Variants in CD96 observed in about 807,000 individuals in gnomAD.
CD96 encodes the protein CD96 molecule, also known as T-cell surface protein tactile.
A neutral mutation model predicts 71.3 loss-of-function variants in CD96; 70 were observed. The ratio of observed to expected loss-of-function variants is 0.98; its 90% CI spans 0.81 to 1.20. The LOEUF is 1.20. Ranked by LOEUF, CD96 falls within the 50% of genes most tolerant of loss-of-function variation. The pLI, the probability that CD96 is intolerant of heterozygous loss-of-function variation, is 0.00. For missense variants in CD96, 742 were observed against 677.5 expected (o/e 1.10, Z -1.06); for synonymous variants, 248 against 233.0 (o/e 1.06, Z -0.59).
chr3:111,555,878 T>C (rs1934987086), intron 2 of CD96, among the ~76,000 whole-genome samples: 1 of 152,308 alleles, frequency 6.6e-6, no homozygotes, highest in Non-Finnish European at 1.5e-5. Flanking sequence ...TCACTTCTTT[T>C]TCTACTACTC....
chr3:111,548,398 G>A (rs768155052), intron 2 of CD96, among the ~76,000 whole-genome samples: 4 of 152,182 alleles, frequency 2.6e-5, no homozygotes, highest in Non-Finnish European at 5.9e-5. Flanking sequence ...GTGGACAAGA[G>A]TGGAAATATA....
chr3:111,588,582 TTTACTGTA>T (rs1247406537), intron 5 of CD96, among the ~76,000 whole-genome samples: 1 of 152,166 alleles, frequency 6.6e-6, no homozygotes, highest in African/African-American at 2.4e-5. Flanking sequence ...CTGATACCAA[TTTACTGTA>T]TTAGTCCATT....
At chr3:111,636,346 A>G (rs371613987) in intron 10 of CD96, among the ~76,000 whole-genome samples, 2 of 152,210 alleles carry the variant, frequency 1.3e-5, no homozygotes, top group Admixed American at 6.5e-5. Flanking sequence ...GATTTTGCTC[A>G]CTTGATTTGG....
intron 3 of CD96, among the ~76,000 whole-genome samples, chr3:111,578,166 C>T (rs982994177): frequency 2.6e-5 from 4 of 152,126 alleles, no homozygotes; most frequent in African/African-American, 9.7e-5. Context: ...GTCAAGAATC[C>T]CCTCCTTACT....
chr3:111,589,473 G>C (rs1392539676), intron 5 of CD96, among the ~76,000 whole-genome samples: 3 of 152,318 alleles, frequency 2.0e-5, no homozygotes, highest in South Asian at 2.1e-4. Flanking sequence ...GAATTAGTGA[G>C]TAATCTTTCT....
At chr3:111,575,979 C>T (rs944673046) in intron 3 of CD96, among the ~76,000 whole-genome samples, 13 of 152,132 alleles carry the variant, frequency 8.5e-5, no homozygotes, top group African/African-American at 2.4e-4. Context: ...TCCATAATTC[C>T]TCAGTTTAGC....
At chr3:111,556,789 C>T (rs1269076850) in intron 2 of CD96, among the ~76,000 whole-genome samples, 4 of 151,918 alleles carry the variant, frequency 2.6e-5, no homozygotes, top group African/African-American at 9.7e-5. Context: ...CACTGACTTC[C>T]ATAATGGTGG....
intron 8 of CD96, among the ~76,000 whole-genome samples, chr3:111,612,190 A>G (rs866593088): frequency 6.6e-6 from 1 of 152,220 alleles, no homozygotes; most frequent in Non-Finnish European, 1.5e-5. Context: ...CAGGGAGAAA[A>G]AAGACTAAAT....
chr3:111,607,710 C>T (rs1377018391), intron 8 of CD96, among the ~76,000 whole-genome samples: 2 of 152,196 alleles, frequency 1.3e-5, no homozygotes, highest in Non-Finnish European at 2.9e-5. Context: ...CCTGCAGTCG[C>T]TGTCACAGGT....
At chr3:111,615,382 G>A (rs1209159946) in intron 8 of CD96, among the ~76,000 whole-genome samples, 5 of 152,238 alleles carry the variant, frequency 3.3e-5, no homozygotes, top group East Asian at 1.9e-4. Context: ...AAGCTTTCAC[G>A]TGGGTGGTTC....
intron 5 of CD96, among the ~76,000 whole-genome samples, chr3:111,591,446 T>C (rs1936983415): frequency 6.7e-6 from 1 of 149,932 alleles, no homozygotes; most frequent in Non-Finnish European, 1.5e-5. Context: ...AGCTCCAGCA[T>C]CTTTGTGCAG....
At chr3:111,614,656 A>C (rs930154565) in intron 8 of CD96, among the ~76,000 whole-genome samples, 1 of 152,034 alleles carries the variant, frequency 6.6e-6, no homozygotes, top group African/African-American at 2.4e-5. Flanking sequence ...GTCTGGAAAA[A>C]TGTGCACCTT....
At chr3:111,587,893 C>T (rs1466570232) in intron 5 of CD96, among the ~76,000 whole-genome samples, 4 of 152,178 alleles carry the variant, frequency 2.6e-5, no homozygotes, top group African/African-American at 7.2e-5. Context: ...CCCAAGACTG[C>T]GCACAGCATG....
At chr3:111,560,340 C>T (rs1188226312) in intron 2 of CD96, among the ~76,000 whole-genome samples, 1 of 152,016 alleles carries the variant, frequency 6.6e-6, no homozygotes, top group African/African-American at 2.4e-5. Flanking sequence ...TTTGCAGCAG[C>T]TGGTACCAGT....
chr3:111,632,484 G>T (rs1939116936), intron 10 of CD96, among the ~76,000 whole-genome samples: 1 of 152,134 alleles, frequency 6.6e-6, no homozygotes, highest in Non-Finnish European at 1.5e-5. Context: ...TGCTGATGAG[G>T]GTGTGGAGAA....
At chr3:111,640,381 G>T (rs755446690) in intron 12 of CD96, among the ~76,000 whole-genome samples, 19 of 152,036 alleles carry the variant, frequency 1.2e-4, no homozygotes, top group Non-Finnish European at 2.4e-4. Context: ...ACAAATAGAA[G>T]AAAGAAATTC....
At position 111,606,749 on chromosome 3, in the gene CD96, C is replaced by G. The variant is rs755437335; in HGVS notation, c.1137C>G (p.Thr379=). 2 of 1,607,116 alleles carry G rather than the reference C, an allele frequency of 1.2e-6. No homozygotes were observed. Among genetic ancestry groups the G allele is most frequent in the Admixed American group, 3.3e-5 (2 of 59,990 alleles). ...TDPPLSVTES[T]LDTQPSPASS... ...CTCCACTGAGTGTTACAGAATCTAC[C>G]CTTGACACCCAACCTTCTCCAGCCA... Residue 379 remains threonine (T), a synonymous_variant, in exon 8 of 14, where the codon ACC becomes ACG. Transcript: ENST00000352690.
At chr3:111,605,247 G>A (rs1036251569) in intron 7 of CD96, among the ~76,000 whole-genome samples, 6 of 152,296 alleles carry the variant, frequency 3.9e-5, no homozygotes, top group African/African-American at 1.4e-4. Context: ...AAACACTGAG[G>A]GGTGATCACA....
chr3:111,624,934 G>A (rs913765338), intron 10 of CD96, among the ~76,000 whole-genome samples: 2 of 152,256 alleles, frequency 1.3e-5, no homozygotes, highest in African/African-American at 4.8e-5. Flanking sequence ...GATACAGACA[G>A]GATCTGAAGA....
Sources: gnomAD v4.1 joint callset for allele counts (sites outside exome capture counted in the v4.1 genomes callset) on GRCh38, gnomAD v4.1.1 for gene constraint, MANE v1.5 for transcripts, NCBI Gene and HGNC (gene_info 2026-07-23, HGNC 2026-07-21) for gene names.